PICALM: variants seen among roughly 807,000 people sequenced by gnomAD.
PICALM encodes the protein phosphatidylinositol-binding clathrin assembly protein.
PICALM carries 40 observed loss-of-function variants against 80.5 expected under a neutral mutation model. The observed-to-expected ratio is 0.50, with a 90% confidence interval of 0.39 to 0.65. The LOEUF (loss-of-function observed/expected upper bound fraction) is 0.65. Among genes scored for constraint, PICALM ranks in the 30% least tolerant of loss-of-function variants. The pLI is 0.00. For missense variants in PICALM, 676 were observed against 778.9 expected, an observed-to-expected ratio of 0.87 and a Z score of 1.57; for synonymous variants, 288 against 260.3, an observed-to-expected ratio of 1.11 and a Z score of -1.02.
intron 3 of PICALM, among the ~76,000 whole-genome samples, 197 bp from the exon 4 acceptor site, chr11:86,022,666 T>C (rs1369293341): frequency 6.6e-6 from 1 of 152,114 alleles, no homozygotes; most frequent in African/African-American, 2.4e-5. Context: ...AGGCTTCATA[T>C]TTAAATCAGA....
chr11:86,023,412 ATACC>A, intron 3 of PICALM: 1 of 980,376 alleles, frequency 1.0e-6, no homozygotes, highest in Non-Finnish European at 1.2e-6. Flanking sequence ...ATATGACTTC[ATACC>A]TACTACTGTA....
In PICALM at chr11:86,003,387, T is replaced by C. The variant is rs776707279; in HGVS notation, c.872A>G (p.Lys291Arg). The C allele has an allele frequency of 1.9e-6, 3 of 1,594,986 alleles. No homozygotes were observed. In the Admixed American group the frequency reaches 5.0e-5, roughly 27 times the overall value. Residue 291 changes from lysine (K) to arginine (R), a missense_variant, in exon 9 of 20, where the codon AAA becomes AGA. This residue lies in a region of PICALM where 285 missense variants were observed against 395.4 expected (regional missense o/e 0.72). Coordinates refer to ENST00000393346, the MANE Select transcript of PICALM (RefSeq NM_007166.4). ...HLASLEGKKI[K>R]DSTAASRATT... ...ATACCTGCTTGCAGCTGTAGAATCT[T>C]TGATTTTCTTTCCTTCCAAGGAAGC...
chr11:86,050,162 G>A (rs183345645), intron 1 of PICALM, among the ~76,000 whole-genome samples: 1 of 135,174 alleles, frequency 7.4e-6, no homozygotes, highest in African/African-American at 2.9e-5. Flanking sequence ...CAGAGATCGC[G>A]CCACTGCACT....
At chr11:86,006,744 T>C (rs2095285427) in intron 8 of PICALM, among the ~76,000 whole-genome samples, 1 of 152,212 alleles carries the variant, frequency 6.6e-6, no homozygotes. Flanking sequence ...GTTACAAGGA[T>C]AGCTTATGCC....
rs35013406 is a variant in PICALM at position 85,983,880 on chromosome 11, A to G, written c.1502T>C (p.Ile501Thr). The G allele has an allele frequency of 2.6e-6, 4 of 1,531,292 alleles. No homozygotes were observed. The highest frequency in any genetic ancestry group is 1.7e-4 in the Middle Eastern group (1 of 5,960). 94.9% of individuals were successfully genotyped at this position (1,531,292 alleles called of 1,614,324 possible). Residue 501 changes from isoleucine to threonine, a missense_variant, in exon 14 of 20, where the codon ATT (isoleucine) becomes ACT (threonine). Physicochemically the swap from Ile to Thr is moderately conservative, Grantham distance 89. This residue lies in a region of PICALM where 391 missense variants were observed against 383.6 expected (regional missense o/e 1.02). Coordinates refer to ENST00000393346, the MANE Select transcript of PICALM (RefSeq NM_007166.4). ...TTTTTCCTTACCCCCAGAATCTACAATAACATTTGTAGATTTATTTCCAAA... is the reference window on the plus strand; with the variant it reads ...TTTTTCCTTACCCCCAGAATCTACAGTAACATTTGTAGATTTATTTCCAAA... ...SVFGNKSTNV[I>T]VDSGGFDELG... is the part of the protein sequence containing the mutation.
chr11:85,996,677 C>A lies in PICALM; in HGVS notation c.1258+149G>T, dbSNP rs544667289. ...AATTATTTATAATAAATGAACATAC[C>A]TTCAAGGGATAAAATTGCTTCATTG... On this transcript the variant is annotated intron_variant, in intron 12 of 19. Coordinates refer to ENST00000393346, the MANE Select transcript of PICALM (RefSeq NM_007166.4). The A allele has an allele frequency of 1.7e-5, 9 of 533,494 alleles. No individual in the cohort carries two copies. In the South Asian group the frequency reaches 2.1e-4, roughly 12 times the overall value. 33.0% of individuals were successfully genotyped at this position (533,494 alleles called of 1,614,324 possible).
In PICALM at chr11:86,003,455, C is replaced by A. The variant is rs965873953; in HGVS notation, c.808-4G>T. Reference sequence around the variant, plus strand: ...CATCAAGAAGACTGCTAGGGGCCTGCAATTGTACAAATATTAAGAATTTCA... The same window carrying A: ...CATCAAGAAGACTGCTAGGGGCCTGAAATTGTACAAATATTAAGAATTTCA... On this transcript the variant is annotated splice_region_variant and splice_polypyrimidine_tract_variant and intron_variant, in intron 8 of 19. Transcript: ENST00000393346. The A allele has an allele frequency of 6.5e-7, 1 of 1,544,730 alleles. No individual in the cohort carries two copies. The highest frequency in any genetic ancestry group is 1.4e-5 in the African/African-American group (1 of 73,732).
At chr11:86,001,485 C>A (rs1208231631) in intron 9 of PICALM, among the ~76,000 whole-genome samples, 2 of 152,178 alleles carry the variant, frequency 1.3e-5, no homozygotes, top group African/African-American at 4.8e-5. Context: ...CCCACATAAT[C>A]CCACAAAATC....
intron 19 of PICALM, among the ~76,000 whole-genome samples, chr11:85,973,893 A>G (rs930676126): frequency 5.1e-5 from 3 of 58,256 alleles, no homozygotes; most frequent in Admixed American, 1.6e-4. Context: ...ATAATTAACT[A>G]CTTCTAGATG....
intron 1 of PICALM, among the ~76,000 whole-genome samples, chr11:86,043,873 T>A (rs1190713974): frequency 3.3e-5 from 5 of 152,216 alleles, no homozygotes; most frequent in African/African-American, 1.2e-4. Context: ...CAGGGAATAA[T>A]GGATTGCAGT....
rs571912023 is a variant in PICALM at position 85,998,630 on chromosome 11, T to C, written c.1155-1701A>G. Among the ~76,000 whole-genome samples, 4 of 151,650 alleles carry C rather than the reference T, an allele frequency of 2.6e-5. No individual in the cohort carries two copies. In the South Asian group the frequency reaches 8.3e-4, roughly 32 times the overall value. On this transcript the variant is annotated intron_variant, in intron 11 of 19. Transcript: ENST00000393346. ...CAAAATGGCGAAAAAATACGAAAAATAGTTGGGCATTGCGGAGTGCGCCTG... is the reference window on the plus strand; with the variant it reads ...CAAAATGGCGAAAAAATACGAAAAACAGTTGGGCATTGCGGAGTGCGCCTG...
intron 19 of PICALM, among the ~76,000 whole-genome samples, chr11:85,966,675 T>C (rs549337179): frequency 1.3e-5 from 2 of 152,270 alleles, no homozygotes; most frequent in South Asian, 4.1e-4. Context: ...TTGACCCTAC[T>C]TGGAAACAGG....
At position 86,003,445 on chromosome 11, in the gene PICALM, T is replaced by C; in HGVS notation, c.814A>G (p.Ser272Gly). The C allele has an allele frequency of 1.3e-6, 2 of 1,579,184 alleles. No homozygotes were observed. Among genetic ancestry groups the C allele is most frequent in the Non-Finnish European group, 1.7e-6 (2 of 1,156,122 alleles). The change falls in exon 9 of 20, where the codon AGC becomes GGC. Residue 272 changes from serine (S) to glycine (G), a missense_variant. By Grantham distance (56) the Ser-to-Gly change is moderately conservative. This residue lies in a region of PICALM where 285 missense variants were observed against 395.4 expected (regional missense o/e 0.72). Transcript: ENST00000393346. The part of the protein sequence containing the change: ...GDIPDLSQAP[S>G]SLLDALEQHL... ...TGTTCCAAAGCATCAAGAAGACTGC[T>C]AGGGGCCTGCAATTGTACAAATATT...
At chr11:85,991,997 A>AGGCATGTGCCACCATGCCT (rs1473600931) in intron 12 of PICALM, among the ~76,000 whole-genome samples, 2 of 152,144 alleles carry the variant, frequency 1.3e-5, no homozygotes, top group Non-Finnish European at 2.9e-5. Flanking sequence ...CTGAGACTAC[A>AGGCATGTGCCACCATGCCT]GGCATGTGCC....
chr11:86,041,682 A>G (rs182085013), intron 1 of PICALM, among the ~76,000 whole-genome samples: 1 of 152,246 alleles, frequency 6.6e-6, no homozygotes, highest in Admixed American at 6.5e-5. Flanking sequence ...TTTAATTTTA[A>G]AAGTGCAAAC....
Position 85,957,592 on chromosome 11 carries a change from G to A in PICALM, c.*1454C>T, listed in dbSNP as rs986136392. 5.3e-6 allele frequency: 1 copy of A among 188,018 alleles called. No individual in the cohort carries two copies. Among genetic ancestry groups the A allele is most frequent in the South Asian group, 2.0e-4 (1 of 5,124 alleles). 11.6% of individuals were successfully genotyped at this position (188,018 alleles called of 1,614,324 possible). On this transcript the variant is annotated 3_prime_UTR_variant, in exon 20 of 20. Transcript: ENST00000393346. ...TAGATCAACAAATATAATCACCTGG[G>A]TATATTTTATTAGGGAAAAATGACA...
upstream of PICALM, chr11:86,069,164 C>CCCCTTT (rs933275681): frequency 1.8e-5 from 4 of 221,304 alleles, no homozygotes; most frequent in African/African-American, 9.1e-5. Flanking sequence ...CCTTCTCCCG[C>CCCCTTT]CCCTTTCCCC....
intron 17 of PICALM, among the ~76,000 whole-genome samples, chr11:85,977,193 CA>C (rs2094309693): frequency 1.3e-5 from 2 of 152,140 alleles, no homozygotes; most frequent in Non-Finnish European, 2.9e-5. Context: ...CAAAAAACTC[CA>C]AAGGTTTCAA....
chr11:86,042,290 C>T (rs1202826946), intron 1 of PICALM, among the ~76,000 whole-genome samples: 1 of 150,820 alleles, frequency 6.6e-6, no homozygotes, highest in African/African-American at 2.5e-5. Context: ...TTGGTAAGCA[C>T]CATCTCAAAG....
Sources: allele counts gnomAD v4.1 joint callset (sites outside exome capture counted in the v4.1 genomes callset), GRCh38; gene constraint gnomAD v4.1.1; regional missense constraint gnomAD v4.1.1; transcripts MANE v1.5; gene names NCBI Gene and HGNC (gene_info 2026-07-23, HGNC 2026-07-21).